The following LIPN variants were observed in gnomAD, a reference collection of about 807,000 sequenced individuals.
The protein encoded by LIPN is lipase member N.
In LIPN, 32 loss-of-function variants were observed where a neutral mutation model predicts 43.7. The ratio of observed to expected loss-of-function variants is 0.73; its 90% CI spans 0.55 to 0.98. The LOEUF (loss-of-function observed/expected upper bound fraction) is 0.98. Ranked by LOEUF, LIPN falls within the 50% of genes least tolerant of loss-of-function variation. LIPN has a pLI of 0.00. For missense variants in LIPN, 505 were observed against 483.8 expected (o/e 1.04, Z -0.41); for synonymous variants, 156 against 157.6 (o/e 0.99, Z 0.08).
chr10:88,774,651 C>T (rs1313059325), intron 8 of LIPN, 107 bp downstream of exon 8: 2 of 906,146 alleles, frequency 2.2e-6, no homozygotes, highest in South Asian at 3.0e-5. Flanking sequence ...TAAGAGCTTG[C>T]TTCCAGTTTG....
intron 7 of LIPN, 71 bp downstream of exon 7, chr10:88,771,062 T>C (rs988182800): frequency 3.9e-6 from 5 of 1,285,866 alleles, no homozygotes; most frequent in Non-Finnish European, 5.4e-6. Context: ...CATTTTGATA[T>C]ATCTATTTAC....
chr10:88,774,663 C>T (rs75236661), intron 8 of LIPN, 119 bp downstream of exon 8: 8,180 of 780,544 alleles, frequency 0.01, 296 homozygotes, highest in Admixed American at 0.075. Flanking sequence ...TCCAGTTTGT[C>T]CTTGCTGCCT....
chr10:88,757,509 T>C (rs1376531095), upstream of LIPN, among the ~76,000 whole-genome samples: 1 of 152,160 alleles, frequency 6.6e-6, no homozygotes, highest in African/African-American at 2.4e-5. Flanking sequence ...TCTTCAAAAA[T>C]CTTTAATATT....
chr10:88,769,479 C>T (rs373391096), intron 6 of LIPN: 3 of 483,308 alleles, frequency 6.2e-6, no homozygotes, highest in East Asian at 1.5e-4. Context: ...CATTTGGTTG[C>T]CAATTGTGGA....
intron 6 of LIPN, among the ~76,000 whole-genome samples, chr10:88,769,263 T>A (rs1843165406): frequency 6.6e-6 from 1 of 151,894 alleles, no homozygotes; most frequent in South Asian, 2.1e-4. Flanking sequence ...GGTCAATGAA[T>A]TCACATTGCC....
At position 88,761,762 on chromosome 10, in the gene LIPN, T is replaced by TA. The variant is rs1843003445; in HGVS notation, c.108+249_108+250insA. 5.6e-5 allele frequency among the ~76,000 whole-genome samples: 4 copies of TA among 71,598 alleles called. No homozygotes were observed. The East Asian group carries it at 2.7e-3, about 49-fold the overall frequency. 47.0% of individuals were successfully genotyped at this position (71,598 alleles called of 152,430 possible). A position where few individuals can be genotyped will look rare whatever the true frequency, so the allele number is the denominator to read the frequency against. ...ATCTATCTATCTATCTATCTATCTATGTATCTATCTATCTATTTATCTATC... is the reference window on the plus strand; with the variant it reads ...ATCTATCTATCTATCTATCTATCTATAGTATCTATCTATCTATTTATCTATC... On this transcript the variant is annotated intron_variant, in intron 2 of 9. Transcript: ENST00000404459.
chr10:88,769,103 A>G (rs903367083), intron 6 of LIPN, among the ~76,000 whole-genome samples, 175 bp downstream of exon 6: 2 of 151,946 alleles, frequency 1.3e-5, no homozygotes, highest in South Asian at 2.1e-4. Context: ...TGTCTGTGCC[A>G]TAGTATCTGC....
chr10:88,773,645 T>C (rs1364324837), intron 7 of LIPN, among the ~76,000 whole-genome samples: 2 of 151,856 alleles, frequency 1.3e-5, no homozygotes, highest in Non-Finnish European at 2.9e-5. Flanking sequence ...AATAGTTGTC[T>C]CTACTGTATT....
At chr10:88,759,623 G>T (rs1255848934), upstream of LIPN, among the ~76,000 whole-genome samples, 1 of 152,026 alleles carries the variant, frequency 6.6e-6, no homozygotes, top group East Asian at 1.9e-4. Flanking sequence ...TTACAGTCAC[G>T]CACATCCCTA....
At chr10:88,765,530 G>T (rs532123581) in intron 4 of LIPN, among the ~76,000 whole-genome samples, 1 of 151,892 alleles carries the variant, frequency 6.6e-6, no homozygotes, top group South Asian at 2.1e-4. Flanking sequence ...TTCCTCACAT[G>T]TTCTTTTAAT....
chr10:88,766,768 C>A (rs974197628), intron 5 of LIPN, among the ~76,000 whole-genome samples: 1 of 151,956 alleles, frequency 6.6e-6, no homozygotes, highest in African/African-American at 2.4e-5. Flanking sequence ...CTCTTTCTCA[C>A]AACCCAAATG....
intron 4 of LIPN, among the ~76,000 whole-genome samples, chr10:88,765,246 C>T (rs759420953): frequency 6.6e-6 from 1 of 151,966 alleles, no homozygotes; most frequent in East Asian, 1.9e-4. Context: ...TCTGCTGTCA[C>T]CAGAGGACAG....
At chr10:88,765,901 T>A (rs1414461408) in intron 4 of LIPN, among the ~76,000 whole-genome samples, 2 of 151,758 alleles carry the variant, frequency 1.3e-5, no homozygotes, top group East Asian at 3.9e-4. Flanking sequence ...TTTCCAAAGA[T>A]GGGTATTAAA....
At chr10:88,757,695 G>A (rs1008144953), upstream of LIPN, among the ~76,000 whole-genome samples, 2 of 152,074 alleles carry the variant, frequency 1.3e-5, no homozygotes, top group African/African-American at 4.8e-5. Flanking sequence ...ACTGTTTCTT[G>A]TAGTAATTAT....
upstream of LIPN, among the ~76,000 whole-genome samples, chr10:88,758,206 T>C (rs1001238902): frequency 5.9e-5 from 9 of 152,082 alleles, no homozygotes; most frequent in Non-Finnish European, 1.3e-4. Context: ...AGGATCTATG[T>C]TCAACCATGT....
intron 6 of LIPN, chr10:88,769,528 C>G: frequency 1.7e-5 from 11 of 652,504 alleles, no homozygotes; most frequent in Non-Finnish European, 2.0e-5. Context: ...TTTTTTTTTT[C>G]TCTTTGCTTT....
intron 9 of LIPN, among the ~76,000 whole-genome samples, chr10:88,775,751 T>C (rs1427593568): frequency 6.6e-6 from 1 of 152,170 alleles, no homozygotes; most frequent in East Asian, 1.9e-4. Context: ...CCTGTCACCA[T>C]TTTTCTGTTC....
chr10:88,771,310 T>C (rs1843204985), intron 7 of LIPN, among the ~76,000 whole-genome samples: 1 of 151,740 alleles, frequency 6.6e-6, no homozygotes, highest in Admixed American at 6.6e-5. Context: ...AAATATACAA[T>C]GAATTATTGT....
intron 5 of LIPN, among the ~76,000 whole-genome samples, chr10:88,767,782 TTC>T (rs1843132320): frequency 6.6e-6 from 1 of 151,110 alleles, no homozygotes; most frequent in Non-Finnish European, 1.5e-5. Context: ...ACAGAGCAAT[TTC>T]TGTTATGTAA....
Sources: allele counts gnomAD v4.1 joint callset (sites outside exome capture counted in the v4.1 genomes callset), GRCh38; gene constraint gnomAD v4.1.1; transcripts MANE v1.5; gene names NCBI Gene and HGNC (gene_info 2026-07-23, HGNC 2026-07-21).